The following SKIC3 variants were observed in gnomAD, a reference collection of about 807,000 sequenced individuals.
SKIC3 encodes the protein superkiller complex protein 3.
At chr5:95,532,446 T>C in the SKIC3 span, among the ~76,000 whole-genome samples, 1 of 152,132 alleles carries the variant, frequency 6.6e-6, no homozygotes, top group East Asian at 1.9e-4. Flanking sequence ...GAATTTTCTA[T>C]AGTGTTCCCA....
the SKIC3 span, chr5:95,524,401 G>C: frequency 2.5e-6 from 4 of 1,594,104 alleles, no homozygotes; most frequent in African/African-American, 2.7e-5. Context: ...TAATGTATAT[G>C]ATTATTATTT....
chr5:95,482,353 C>A, the SKIC3 span: 7 of 1,074,524 alleles, frequency 6.5e-6, no homozygotes, highest in African/African-American at 3.1e-5. Flanking sequence ...GATCTTGAAA[C>A]TGAGAGATAA....
At chr5:95,480,769 T>G in the SKIC3 span, among the ~76,000 whole-genome samples, 1 of 152,122 alleles carries the variant, frequency 6.6e-6, no homozygotes, top group Admixed American at 6.6e-5. Flanking sequence ...TGAATAAATA[T>G]TATCGTATGT....
chr5:95,525,858 T>C, the SKIC3 span, among the ~76,000 whole-genome samples: 1 of 152,120 alleles, frequency 6.6e-6, no homozygotes, highest in South Asian at 2.1e-4. Context: ...GAAAATCTCA[T>C]ATACATAAAA....
the SKIC3 span, among the ~76,000 whole-genome samples, chr5:95,515,539 A>G: frequency 2.0e-5 from 3 of 152,144 alleles, no homozygotes; most frequent in Non-Finnish European, 4.4e-5. Context: ...TCCTATTTTT[A>G]AAAAGTAAGC....
At chr5:95,473,988 G>A in the SKIC3 span, among the ~76,000 whole-genome samples, 8 of 152,028 alleles carry the variant, frequency 5.3e-5, no homozygotes, top group Non-Finnish European at 1.2e-4. Flanking sequence ...TGCCAAGGCC[G>A]ACGTCAAAAA....
chr5:95,516,342 A>C, the SKIC3 span: 3 of 1,612,616 alleles, frequency 1.9e-6, no homozygotes, highest in Non-Finnish European at 1.7e-6. Flanking sequence ...ACAGACAGGC[A>C]ACATATTTAC....
chr5:95,496,624 T>C, the SKIC3 span, among the ~76,000 whole-genome samples: 1 of 152,274 alleles, frequency 6.6e-6, no homozygotes, highest in South Asian at 2.1e-4. Flanking sequence ...ATTATTTCTG[T>C]AGAAAGGCAC....
At chr5:95,479,581 A>G in the SKIC3 span, among the ~76,000 whole-genome samples, 945 of 152,188 alleles carry the variant, frequency 6.2e-3, 5 homozygotes, top group Non-Finnish European at 9.8e-3. Flanking sequence ...ATATAGTGTT[A>G]TAACTTTTAT....
the SKIC3 span, chr5:95,498,587 T>C: frequency 9.3e-6 from 15 of 1,613,554 alleles, no homozygotes; most frequent in Middle Eastern, 1.7e-4. Context: ...TCCTTTAAGA[T>C]AGAGCTGTAA....
At chr5:95,518,781 A>C in the SKIC3 span, among the ~76,000 whole-genome samples, 1 of 151,976 alleles carries the variant, frequency 6.6e-6, no homozygotes, top group Non-Finnish European at 1.5e-5. Flanking sequence ...GAGGGTACAG[A>C]TGTCTCTTTG....
At chr5:95,536,735 C>T in the SKIC3 span, 1 of 1,112,136 alleles carries the variant, frequency 9.0e-7, no homozygotes, top group East Asian at 2.4e-5. Context: ...ACATGGTAGA[C>T]ACTAAAACAT....
At chr5:95,505,585 G>A in the SKIC3 span, among the ~76,000 whole-genome samples, 23,604 of 151,920 alleles carry the variant, frequency 0.16, 2,526 homozygotes, top group African/African-American at 0.3. Context: ...AGGCCAAGGC[G>A]GGCGAATCAC....
the SKIC3 span, chr5:95,498,611 T>C: frequency 6.2e-7 from 1 of 1,600,372 alleles, no homozygotes; most frequent in South Asian, 1.1e-5. Flanking sequence ...TATTTTAAAA[T>C]TACCCATTAG....
the SKIC3 span, chr5:95,524,719 A>AT: frequency 8.2e-7 from 1 of 1,222,582 alleles, no homozygotes; most frequent in Non-Finnish European, 1.2e-6. Context: ...TTAGAAACCA[A>AT]TCATCACTTT....
chr5:95,552,089 C>A, the SKIC3 span, among the ~76,000 whole-genome samples: 2 of 152,172 alleles, frequency 1.3e-5, no homozygotes, highest in African/African-American at 4.8e-5. Flanking sequence ...GTTGAACTTA[C>A]AATTTTTTGA....
chr5:95,508,145 C>T, the SKIC3 span, among the ~76,000 whole-genome samples: 1 of 152,126 alleles, frequency 6.6e-6, no homozygotes, highest in African/African-American at 2.4e-5. Context: ...GGCTCCAGTA[C>T]CATCTAGTGA....
chr5:95,529,745 T>C, the SKIC3 span, among the ~76,000 whole-genome samples: 1 of 152,204 alleles, frequency 6.6e-6, no homozygotes, highest in East Asian at 1.9e-4. Flanking sequence ...TCCTAATGCA[T>C]ATATATCTAC....
the SKIC3 span, among the ~76,000 whole-genome samples, chr5:95,521,634 CTTAGA>C: frequency 1.3e-5 from 2 of 149,010 alleles, no homozygotes; most frequent in African/African-American, 5.2e-5. Flanking sequence ...CCAAAAATAA[CTTAGA>C]TAACTACAAA....
Sources: allele counts gnomAD v4.1 joint callset (sites outside exome capture counted in the v4.1 genomes callset), GRCh38; gene constraint gnomAD v4.1.1; transcripts MANE v1.5; gene names NCBI Gene and HGNC (gene_info 2026-07-23, HGNC 2026-07-21).